AP1B1: variants seen among roughly 807,000 people sequenced by gnomAD.
AP1B1 encodes the protein AP-1 complex subunit beta-1.
AP1B1 carries 36 observed loss-of-function variants against 104.3 expected under a neutral mutation model. The ratio of observed to expected loss-of-function variants is 0.35; its 90% CI spans 0.26 to 0.46. AP1B1 has a LOEUF of 0.46. Among genes scored for constraint, AP1B1 ranks in the 20% least tolerant of loss-of-function variants. The probability of loss-of-function intolerance (pLI) is 1.00; values close to 1 mark genes in which losing one functional copy is unlikely to be tolerated. For missense variants in AP1B1, 901 were observed against 1,247.9 expected, an observed-to-expected ratio of 0.72 and a Z score of 4.19; for synonymous variants, 504 against 517.5, an observed-to-expected ratio of 0.97 and a Z score of 0.35.
intron 15 of AP1B1, among the ~76,000 whole-genome samples, chr22:29,339,496 A>G (rs535972755): frequency 4.6e-4 from 70 of 152,084 alleles, no homozygotes; most frequent in African/African-American, 1.7e-3. Context: ...TGTGGGACTG[A>G]GGGCTGGCAA....
Position 29,334,381 on chromosome 22 carries a change from C to A in AP1B1, c.2193G>T (p.Gly731=), listed in dbSNP as rs1371302535. ...GGGTGAAGGTGCCTGAGATCTCCAG[C>A]CCCTTAGCCTTCATGGCTGGGAGCC... is the stretch of plus-strand genomic sequence containing the variant. ...AVWLPAMKAK[G]LEISGTFTRQ... The change falls in exon 17 of 23, where the codon GGG becomes GGT. Residue 731 remains glycine (G), a synonymous_variant. Coordinates refer to ENST00000357586, the MANE Select transcript of AP1B1 (RefSeq NM_001127.4). The A allele has an allele frequency of 6.2e-7, 1 of 1,608,256 alleles. No individual in the cohort carries two copies. The highest frequency in any genetic ancestry group is 1.7e-5 in the Admixed American group (1 of 58,600).
At chr22:29,342,409 G>A (rs370317353) in intron 11 of AP1B1, 26 bp from the exon 12 acceptor site, 56 of 1,588,102 alleles carry the variant, frequency 3.5e-5, no homozygotes, top group Non-Finnish European at 4.4e-5. Flanking sequence ...GTGACGAGGA[G>A]GAAGTGTGGG....
intron 7 of AP1B1, among the ~76,000 whole-genome samples, chr22:29,353,492 T>C (rs1320477645): frequency 6.6e-6 from 1 of 152,178 alleles, no homozygotes; most frequent in Non-Finnish European, 1.5e-5. Context: ...TCTGCTCTAC[T>C]AGTCACTACG....
rs755211454 is a variant in AP1B1 at position 29,334,272 on chromosome 22, G to A, written c.2302C>T (p.Arg768Cys). 5.8e-5 allele frequency: 92 copies of A among 1,597,996 alleles called. No homozygotes were observed. Among genetic ancestry groups the A allele is most frequent in the Middle Eastern group, 1.7e-4 (1 of 6,012 alleles). ...VMTDFAIQFNRNSFGLAPAAP... is the reference protein window; with the variant it reads ...VMTDFAIQFNCNSFGLAPAAP... ...GCCTCAGGGAGCTCTCACCTGTTGC[G>A]GTTGAACTGGATGGCAAAGTCGGTC... Residue 768 changes from arginine to cysteine, a missense_variant, in exon 17 of 23, where the codon CGC (arginine) becomes TGC (cysteine). By Grantham distance (180) the Arg-to-Cys change is radical. Around this residue, in one of 3 missense-constraint regions of AP1B1, gnomAD observed 424 missense variants for 494.0 expected, o/e 0.86. Transcript: ENST00000357586.
At chr22:29,368,294 T>C (rs1159365784) in intron 1 of AP1B1, among the ~76,000 whole-genome samples, 1 of 151,270 alleles carries the variant, frequency 6.6e-6, no homozygotes, top group African/African-American at 2.4e-5. Context: ...CAAGACTCTG[T>C]CTCAGAAAAA....
At position 29,340,671 on chromosome 22, in the gene AP1B1, ACCG is replaced by A. The variant is rs2061700466; in HGVS notation, c.1980_1982del (p.Gly662del). 2 of 1,561,832 alleles carry A rather than the reference ACCG, an allele frequency of 1.3e-6. No homozygotes were observed. The highest frequency in any genetic ancestry group is 1.7e-6 in the Non-Finnish European group (2 of 1,151,588). The stretch of plus-strand genomic sequence containing the variant: ...CACAACATACCAGGCTGTCAAGGCC[ACCG>A]CCAAGAAGGTCCACAGCTCCCATCT... On this transcript the variant is annotated inframe_deletion, in exon 14 of 23. Transcript: ENST00000357586.
At chr22:29,388,374 C>A (rs139631882) in intron 1 of AP1B1, 50 bp downstream of exon 1, 1 of 152,542 alleles carries the variant, frequency 6.6e-6, no homozygotes, top group African/African-American at 2.4e-5. Flanking sequence ...GGACCCCTGA[C>A]CCCTCGCCCC....
chr22:29,338,910 C>G, intron 16 of AP1B1, 80 bp downstream of exon 16: 1 of 1,573,284 alleles, frequency 6.4e-7, no homozygotes, highest in Non-Finnish European at 8.7e-7. Flanking sequence ...ATTCCACAGC[C>G]GAGGCCATTT....
At chr22:29,354,142 G>T (rs1284720744) in intron 7 of AP1B1, among the ~76,000 whole-genome samples, 7 of 152,182 alleles carry the variant, frequency 4.6e-5, no homozygotes. Context: ...AGACCTCAAG[G>T]TTCCAACCTC....
In AP1B1 at chr22:29,359,936, T is replaced by G. The variant is rs1228125102; in HGVS notation, c.167A>C (p.Asn56Thr). The change falls in exon 4 of 23, where the codon AAC (asparagine) becomes ACC (threonine). Residue 56 changes from asparagine (N) to threonine (T), a missense_variant. This residue lies in a region of AP1B1 where 471 missense variants were observed against 696.7 expected (regional missense o/e 0.68). Transcript: ENST00000357586. Reference protein sequence around the residue: ...DVSALFPDVVNCMQTDNLELK... With the variant: ...DVSALFPDVVTCMQTDNLELK... ...CTCCAGGTTGTCCGTCTGCATGCAG[T>G]TGACCACATCGGGGAAGAGGGCACT... is the stretch of plus-strand genomic sequence containing the variant. 13 of 1,613,688 alleles carry G rather than the reference T, an allele frequency of 8.1e-6. No individual in the cohort carries two copies. The highest frequency in any genetic ancestry group is 1.0e-5 in the Non-Finnish European group (12 of 1,179,876).
chr22:29,375,242 C>A (rs1034642756), intron 1 of AP1B1, among the ~76,000 whole-genome samples: 1 of 146,310 alleles, frequency 6.8e-6, no homozygotes, highest in Non-Finnish European at 1.5e-5. Flanking sequence ...CCCAGCTACT[C>A]GGGAGGCTGA....
chr22:29,386,458 A>G (rs2062524279), intron 1 of AP1B1, among the ~76,000 whole-genome samples: 1 of 152,330 alleles, frequency 6.6e-6, no homozygotes, highest in Non-Finnish European at 1.5e-5. Flanking sequence ...TCCTCATGAC[A>G]GTTTCTAAGA....
At position 29,356,679 on chromosome 22, in the gene AP1B1, A is replaced by G. The variant is rs541460516; in HGVS notation, c.526-63T>C. 4.5e-4 allele frequency: 664 copies of G among 1,468,018 alleles called. 2 individuals are homozygous for G. In the African/African-American group the frequency reaches 8.2e-3, roughly 18 times the overall value. The allele number at this position is 1,468,018 out of a possible 1,614,324, so 90.9% of individuals were successfully genotyped here. A position where few individuals can be genotyped will look rare whatever the true frequency, so the allele number is the denominator to read the frequency against. On this transcript the variant is annotated intron_variant, in intron 5 of 22. Coordinates refer to ENST00000357586, the MANE Select transcript of AP1B1 (RefSeq NM_001127.4). ...CTGCTCACAGGCCAGGGGGCAGTGC[A>G]TTAATGATGCTGGCTGGTCAGAGGT...
chr22:29,359,781 C>T, intron 4 of AP1B1, 43 bp downstream of exon 4: 3 of 1,586,644 alleles, frequency 1.9e-6, no homozygotes, highest in East Asian at 4.5e-5. Flanking sequence ...GAGACAGAGC[C>T]TTAAGCACCC....
intron 11 of AP1B1, among the ~76,000 whole-genome samples, chr22:29,348,396 C>T (rs1282471483): frequency 2.6e-5 from 4 of 152,190 alleles, no homozygotes; most frequent in African/African-American, 7.2e-5. Context: ...TTAAAATGCT[C>T]CCTAGCACTG....
chr22:29,356,700 G>C, intron 5 of AP1B1, 84 bp from the exon 6 acceptor site: 1 of 1,322,412 alleles, frequency 7.6e-7, no homozygotes, highest in Non-Finnish European at 1.1e-6. Context: ...TGGCTGGTCA[G>C]AGGTCAAATA....
Position 29,349,346 on chromosome 22 carries a change from C to G in AP1B1, c.1309G>C (p.Asp437His), listed in dbSNP as rs1175078784. Residue 437 changes from aspartate (D) to histidine (H), a missense_variant, in exon 11 of 23, where the codon GAC becomes CAC. Asp to His is a moderately conservative substitution (Grantham distance 81, BLOSUM62 -1). This residue lies in a region of AP1B1 where 471 missense variants were observed against 696.7 expected (regional missense o/e 0.68). Coordinates refer to ENST00000357586, the MANE Select transcript of AP1B1 (RefSeq NM_001127.4). ...SVIATLCENL[D>H]SLDEPEARAA... is the part of the protein sequence containing the mutation. ...CGGGCCTCAGGCTCATCCAGGGAGT[C>G]CAGATTCTCACACAGTGTGGCAATC... 1 of 1,613,966 alleles carries G rather than the reference C, an allele frequency of 6.2e-7. No individual in the cohort carries two copies. Among genetic ancestry groups the G allele is most frequent in the Non-Finnish European group, 8.5e-7 (1 of 1,180,038 alleles).
At chr22:29,361,789 A>T (rs2062050938) in intron 3 of AP1B1, among the ~76,000 whole-genome samples, 1 of 150,370 alleles carries the variant, frequency 6.7e-6, no homozygotes, top group East Asian at 1.9e-4. Context: ...CAGGGAAGGC[A>T]GACCTTGAAT....
Position 29,356,634 on chromosome 22 carries a change from A to G in AP1B1, c.526-18T>C, listed in dbSNP as rs2061962862. The G allele has an allele frequency of 6.2e-7, 1 of 1,611,556 alleles. No individual in the cohort carries two copies. The highest frequency in any genetic ancestry group is 1.7e-5 in the Admixed American group (1 of 59,932). On this transcript the variant is annotated intron_variant, in intron 5 of 22. Coordinates refer to ENST00000357586, the MANE Select transcript of AP1B1 (RefSeq NM_001127.4). ...GCCACCACCTGGTTGAGAGGGTGGG[A>G]GGGGCAGAGGCTGGGGGTGCTGCTC...
Sources: gnomAD v4.1 joint callset for allele counts (sites outside exome capture counted in the v4.1 genomes callset) on GRCh38, gnomAD v4.1.1 for gene constraint, gnomAD v4.1.1 regional missense constraint, MANE v1.5 for transcripts, NCBI Gene and HGNC (gene_info 2026-07-23, HGNC 2026-07-21) for gene names.